Variants in YWHAE observed in about 807,000 individuals in gnomAD.
The protein encoded by YWHAE is 14-3-3 protein epsilon.
YWHAE carries 4 observed loss-of-function variants against 30.1 expected under a neutral mutation model. The ratio of observed to expected loss-of-function variants is 0.13; its 90% confidence interval spans 0.07 to 0.30. YWHAE has a LOEUF of 0.30. YWHAE is among the 10% of genes least tolerant of loss of function. The pLI is 1.00. For synonymous variants in YWHAE, 118 were observed against 111.8 expected (o/e 1.06, Z -0.35); for missense variants, 121 against 315.9 (o/e 0.38, Z 4.68).
intron 1 of YWHAE, among the ~76,000 whole-genome samples, chr17:1,398,547 T>C (rs1306833773): frequency 6.6e-6 from 1 of 152,050 alleles, no homozygotes; most frequent in Admixed American, 6.6e-5. Flanking sequence ...GCCCTAACAT[T>C]TTGAAATATA....
At chr17:1,350,604 G>A (rs559278340) in intron 5 of YWHAE, among the ~76,000 whole-genome samples, 10 of 151,320 alleles carry the variant, frequency 6.6e-5, no homozygotes, top group South Asian at 2.1e-4. Context: ...ACCACACCTG[G>A]CTAATTTTTG....
chr17:1,390,893 T>C (rs934425258), intron 1 of YWHAE, among the ~76,000 whole-genome samples: 4 of 152,194 alleles, frequency 2.6e-5, no homozygotes, highest in African/African-American at 9.7e-5. Context: ...GCCAGGATCA[T>C]GGTCATATGG....
chr17:1,369,974 T>C (rs1192340539), intron 1 of YWHAE, among the ~76,000 whole-genome samples: 5 of 152,184 alleles, frequency 3.3e-5, no homozygotes, highest in Admixed American at 3.3e-4. Flanking sequence ...TGTTGATGGC[T>C]ACTGACTGCT....
chr17:1,360,270 C>T (rs11871309), intron 4 of YWHAE, among the ~76,000 whole-genome samples: 37,030 of 152,012 alleles, frequency 0.24, 5,209 homozygotes, highest in African/African-American at 0.38. Flanking sequence ...GCTATCACAA[C>T]TTTTTAAAAG....
chr17:1,396,617 C>T (rs574948500), intron 1 of YWHAE, among the ~76,000 whole-genome samples: 20 of 152,140 alleles, frequency 1.3e-4, no homozygotes, highest in Non-Finnish European at 2.5e-4. Flanking sequence ...TCCCCAAAAA[C>T]GGGTAAACTT....
intron 2 of YWHAE, among the ~76,000 whole-genome samples, chr17:1,363,949 C>A (rs2072903368): frequency 6.6e-6 from 1 of 152,098 alleles, no homozygotes; most frequent in South Asian, 2.1e-4. Context: ...GCACCCCAGT[C>A]CCCACCCCAC....
In YWHAE at chr17:1,365,075, A is replaced by G. The variant is rs1354060108; in HGVS notation, c.65-17T>C. 1 of 1,612,596 alleles carries G rather than the reference A, an allele frequency of 6.2e-7. No homozygotes were observed. On this transcript the variant is annotated splice_polypyrimidine_tract_variant and intron_variant, in intron 1 of 5. Coordinates refer to ENST00000264335, the MANE Select transcript of YWHAE (RefSeq NM_006761.5). ...CCACCATTTCTGTATGGGAAAAGGA[A>G]AAGTCAGACCTTACAAATTTGAAGT...
At chr17:1,390,667 C>A (rs1314627352) in intron 1 of YWHAE, among the ~76,000 whole-genome samples, 2 of 152,238 alleles carry the variant, frequency 1.3e-5, no homozygotes, top group African/African-American at 2.4e-5. Flanking sequence ...TTTACCACAT[C>A]TGCCAAATGA....
intron 1 of YWHAE, among the ~76,000 whole-genome samples, chr17:1,373,777 C>T (rs570299650): frequency 3.8e-4 from 58 of 152,226 alleles, no homozygotes; most frequent in African/African-American, 1.3e-3. Context: ...TTGCTCAAAG[C>T]GGGTTCCAGA....
At chr17:1,363,429 C>T (rs1476810203) in intron 2 of YWHAE, among the ~76,000 whole-genome samples, 1 of 152,058 alleles carries the variant, frequency 6.6e-6, no homozygotes, top group Non-Finnish European at 1.5e-5. Flanking sequence ...CCATGCCTGG[C>T]TAATTTTTGT....
At chr17:1,391,724 C>T (rs574574090) in intron 1 of YWHAE, among the ~76,000 whole-genome samples, 1 of 152,258 alleles carries the variant, frequency 6.6e-6, no homozygotes, top group East Asian at 1.9e-4. Flanking sequence ...TGCCTATAAT[C>T]CCTGCACTTT....
At chr17:1,385,963 G>A (rs1364967324) in intron 1 of YWHAE, among the ~76,000 whole-genome samples, 25 of 152,216 alleles carry the variant, frequency 1.6e-4, no homozygotes, top group Non-Finnish European at 1.6e-4. Context: ...CTGGACTGAC[G>A]TTTACACACA....
At chr17:1,394,122 A>G (rs552554397) in intron 1 of YWHAE, among the ~76,000 whole-genome samples, 1 of 152,356 alleles carries the variant, frequency 6.6e-6, no homozygotes, top group South Asian at 2.1e-4. Context: ...TCTAAAGGTC[A>G]GCAGACACTA....
chr17:1,391,372 T>C (rs1035215446), intron 1 of YWHAE, among the ~76,000 whole-genome samples: 8 of 152,150 alleles, frequency 5.3e-5, no homozygotes, highest in African/African-American at 1.9e-4. Flanking sequence ...TAGGAAACTG[T>C]TGTATGAGTC....
intron 1 of YWHAE, among the ~76,000 whole-genome samples, chr17:1,367,253 G>A (rs1598246284): frequency 1.3e-5 from 2 of 152,158 alleles, no homozygotes; most frequent in Non-Finnish European, 2.9e-5. Flanking sequence ...ATCCAGAGGG[G>A]AAATGTATAA....
intron 1 of YWHAE, among the ~76,000 whole-genome samples, chr17:1,366,411 G>T (rs34742881): frequency 1.3e-5 from 2 of 151,522 alleles, no homozygotes; most frequent in Non-Finnish European, 2.9e-5. Context: ...GGTGGTGCGC[G>T]CCTGTAATTA....
chr17:1,387,826 A>C (rs1038351206), intron 1 of YWHAE, among the ~76,000 whole-genome samples: 5 of 150,874 alleles, frequency 3.3e-5, no homozygotes. Context: ...GGGTCTCACC[A>C]TGTTCACCAG....
intron 1 of YWHAE, among the ~76,000 whole-genome samples, chr17:1,398,387 C>T (rs554395899): frequency 7.0e-6 from 1 of 141,906 alleles, no homozygotes; most frequent in Non-Finnish European, 1.5e-5. Flanking sequence ...TAAGAATTTA[C>T]AAGACGAAAT....
chr17:1,386,078 G>T (rs979403960), intron 1 of YWHAE, among the ~76,000 whole-genome samples: 2 of 152,182 alleles, frequency 1.3e-5, no homozygotes, highest in Non-Finnish European at 2.9e-5. Context: ...TCAAGTACTG[G>T]ATCCTTATCT....
Sources: gnomAD v4.1 joint callset for allele counts (sites outside exome capture counted in the v4.1 genomes callset) on GRCh38, gnomAD v4.1.1 for gene constraint, MANE v1.5 for transcripts, NCBI Gene and HGNC (gene_info 2026-07-23, HGNC 2026-07-21) for gene names.